ROBO2: variants seen among roughly 807,000 people sequenced by gnomAD.
ROBO2 encodes roundabout guidance receptor 2.
Under a neutral mutation model 160.8 loss-of-function variants are expected in ROBO2, and 53 were observed. That is an observed-to-expected ratio of 0.33 (90% CI 0.26 to 0.41). The LOEUF (loss-of-function observed/expected upper bound fraction) is 0.41. ROBO2 is among the 10% of genes least tolerant of loss of function. ROBO2 has a pLI of 1.00. For missense variants in ROBO2, 1,577 were observed against 1,722.4 expected, an observed-to-expected ratio of 0.92 and a Z score of 1.49; for synonymous variants, 664 against 611.7, an observed-to-expected ratio of 1.09 and a Z score of -1.26.
chr3:77,559,664 G>T (rs372868320), intron 9 of ROBO2, among the ~76,000 whole-genome samples: 2 of 151,994 alleles, frequency 1.3e-5, no homozygotes, highest in Non-Finnish European at 2.9e-5. Context: ...TTGGCATATT[G>T]TTCTTTTATA....
chr3:77,434,825 C>T (rs1443262788), intron 2 of ROBO2, among the ~76,000 whole-genome samples: 1 of 152,078 alleles, frequency 6.6e-6, no homozygotes, highest in Non-Finnish European at 1.5e-5. Context: ...AAAATGGCTT[C>T]ACTGGATACC....
intron 2 of ROBO2, among the ~76,000 whole-genome samples, chr3:77,399,085 C>G (rs958828466): frequency 1.3e-5 from 2 of 152,006 alleles, no homozygotes; most frequent in Non-Finnish European, 2.9e-5. Flanking sequence ...AATCAAATTG[C>G]CAAGTTTGAT....
chr3:77,197,878 T>C (rs1231096938), intron 2 of ROBO2, among the ~76,000 whole-genome samples: 2 of 152,154 alleles, frequency 1.3e-5, no homozygotes, highest in East Asian at 3.9e-4. Flanking sequence ...CAAAGGGAGA[T>C]GTAATTATGG....
chr3:76,760,726 AGT>A (rs2061259657), intron 2 of ROBO2, among the ~76,000 whole-genome samples: 2 of 151,838 alleles, frequency 1.3e-5, no homozygotes, highest in African/African-American at 4.8e-5. Flanking sequence ...TAAGTTAAAG[AGT>A]GTGTATATAA....
chr3:76,678,336 A>G (rs537847220), intron 2 of ROBO2, among the ~76,000 whole-genome samples: 6 of 152,204 alleles, frequency 3.9e-5, no homozygotes, highest in African/African-American at 1.4e-4. Flanking sequence ...TAAATGGCAG[A>G]TAGCTGGTGT....
rs569352119 is a variant in ROBO2, at chr3:77,121,376, T to C, written c.388+23036T>C. Among the ~76,000 whole-genome samples, 4 of 152,312 alleles carry C rather than the reference T, an allele frequency of 2.6e-5. No individual in the cohort carries two copies. The South Asian group carries it at 8.3e-4, about 32-fold the overall frequency. On this transcript the variant is annotated intron_variant, in intron 2 of 25. Coordinates refer to ENST00000461745, the Ensembl canonical transcript of ROBO2. ...TGAATTCATGTAAGTCCTTCATTGGTTGAAACTGAGTGGGGAATGGAATAT... is the reference window on the plus strand; with the variant it reads ...TGAATTCATGTAAGTCCTTCATTGGCTGAAACTGAGTGGGGAATGGAATAT...
At chr3:77,348,991 C>A (rs1466314679) in intron 2 of ROBO2, among the ~76,000 whole-genome samples, 7 of 152,198 alleles carry the variant, frequency 4.6e-5, no homozygotes, top group Admixed American at 3.9e-4. Flanking sequence ...ACATTGCAAT[C>A]CCCGCCTGCA....
chr3:76,597,262 G>A (rs1347983325), intron 2 of ROBO2, among the ~76,000 whole-genome samples: 1 of 151,780 alleles, frequency 6.6e-6, no homozygotes, highest in Admixed American at 6.6e-5. Context: ...TTAATAAATG[G>A]ACCACATCAA....
At chr3:76,624,603 A>C (rs150834135) in intron 2 of ROBO2, among the ~76,000 whole-genome samples, 15 of 152,068 alleles carry the variant, frequency 9.9e-5, no homozygotes, top group African/African-American at 3.6e-4. Context: ...GTTTGCCACC[A>C]GCCTGGCCAA....
At chr3:76,706,007 C>T (rs1190709693) in intron 2 of ROBO2, among the ~76,000 whole-genome samples, 1 of 152,052 alleles carries the variant, frequency 6.6e-6, no homozygotes, top group Non-Finnish European at 1.5e-5. Context: ...AACATATTTC[C>T]TTAATCTATT....
intron 2 of ROBO2, among the ~76,000 whole-genome samples, chr3:77,117,394 G>T (rs999258616): frequency 3.3e-5 from 5 of 152,108 alleles, no homozygotes; most frequent in African/African-American, 1.2e-4. Flanking sequence ...TAAACAAGAT[G>T]TGAAATAAGA....
chr3:76,114,946 T>C (rs151108160), intron 2 of ROBO2, among the ~76,000 whole-genome samples: 2 of 152,270 alleles, frequency 1.3e-5, no homozygotes, highest in African/African-American at 4.8e-5. Flanking sequence ...GAATGGGCAT[T>C]TCTTTCATGT....
intron 5 of ROBO2, among the ~76,000 whole-genome samples, chr3:77,512,217 T>C (rs1473224329): frequency 6.6e-6 from 1 of 151,940 alleles, no homozygotes; most frequent in Non-Finnish European, 1.5e-5. Flanking sequence ...TAAGAAAGCA[T>C]CATATGGAAT....
chr3:76,430,999 A>C (rs2076412939), intron 2 of ROBO2, among the ~76,000 whole-genome samples: 1 of 152,114 alleles, frequency 6.6e-6, no homozygotes, highest in Non-Finnish European at 1.5e-5. Context: ...ATAGTCATTT[A>C]TAGATATTTC....
At chr3:76,966,127 G>A (rs2149260448) in intron 2 of ROBO2, among the ~76,000 whole-genome samples, 2 of 151,750 alleles carry the variant, frequency 1.3e-5, no homozygotes, top group South Asian at 4.2e-4. Context: ...TCTCCATGTT[G>A]GTCAGGCTGG....
chr3:77,170,423 G>A (rs1462592625), intron 2 of ROBO2, among the ~76,000 whole-genome samples: 3 of 151,900 alleles, frequency 2.0e-5, no homozygotes, highest in Admixed American at 6.6e-5. Flanking sequence ...ATACCTTAAA[G>A]CACTTAAAAT....
intron 2 of ROBO2, among the ~76,000 whole-genome samples, chr3:77,424,714 G>A (rs2078018153): frequency 6.6e-6 from 1 of 152,046 alleles, no homozygotes; most frequent in Admixed American, 6.6e-5. Context: ...AAATACTGAG[G>A]TTTCTTAGTT....
intron 2 of ROBO2, among the ~76,000 whole-genome samples, chr3:76,349,393 C>A (rs998657437): frequency 3.3e-5 from 5 of 152,080 alleles, no homozygotes; most frequent in African/African-American, 7.2e-5. Context: ...TACATATACT[C>A]ATTTAGCTTA....
At chr3:76,637,423 TA>T (rs58418609) in intron 2 of ROBO2, among the ~76,000 whole-genome samples, 71,122 of 141,374 alleles carry the variant, frequency 0.5, 17,770 homozygotes, top group African/African-American at 0.66. Context: ...GTTCTAGAAA[TA>T]AAAAAAAAAA....
Sources: gnomAD v4.1 joint callset for allele counts (sites outside exome capture counted in the v4.1 genomes callset) on GRCh38, gnomAD v4.1.1 for gene constraint, MANE v1.5 for transcripts, NCBI Gene and HGNC (gene_info 2026-07-23, HGNC 2026-07-21) for gene names.